TMEM117: variants seen among roughly 807,000 people sequenced by gnomAD.
TMEM117 encodes the protein transmembrane protein 117.
In TMEM117, 27 loss-of-function variants were observed where a neutral mutation model predicts 52.4. That is an observed-to-expected ratio of 0.51 (90% CI 0.38 to 0.71). The LOEUF is 0.71. Among genes scored for constraint, TMEM117 ranks in the 30% least tolerant of loss-of-function variants. TMEM117 has a pLI of 0.00. For missense variants in TMEM117, 556 were observed against 630.5 expected, an observed-to-expected ratio of 0.88 and a Z score of 1.26; for synonymous variants, 215 against 206.3, an observed-to-expected ratio of 1.04 and a Z score of -0.36.
At chr12:44,362,287 C>T (rs1377387884) in intron 6 of TMEM117, among the ~76,000 whole-genome samples, 5 of 152,082 alleles carry the variant, frequency 3.3e-5, no homozygotes, top group African/African-American at 4.8e-5. Flanking sequence ...GGTACCCTTT[C>T]CCTGCAGAGG....
At chr12:44,032,119 T>G (rs774794285) in intron 3 of TMEM117, among the ~76,000 whole-genome samples, 1 of 152,190 alleles carries the variant, frequency 6.6e-6, no homozygotes, top group Non-Finnish European at 1.5e-5. Context: ...GTGCTCAGCT[T>G]TAAAAAAGTC....
At chr12:43,797,011 C>T in the TMEM117 span, 4 of 1,611,384 alleles carry the variant, frequency 2.5e-6, no homozygotes, top group Non-Finnish European at 3.4e-6. Context: ...TGTCTTTCTA[C>T]AATTTCTAGC....
chr12:44,207,496 C>T (rs1283208481), intron 4 of TMEM117, among the ~76,000 whole-genome samples: 1 of 152,094 alleles, frequency 6.6e-6, no homozygotes. Flanking sequence ...GACCTCCTTC[C>T]TCTGATTTTT....
At chr12:43,953,073 C>A (rs750331951) in intron 3 of TMEM117, among the ~76,000 whole-genome samples, 1 of 152,068 alleles carries the variant, frequency 6.6e-6, no homozygotes, top group Non-Finnish European at 1.5e-5. Flanking sequence ...GAAATAAAAT[C>A]TTTTTCAGAC....
At chr12:44,259,209 G>A (rs1456367208) in intron 5 of TMEM117, among the ~76,000 whole-genome samples, 2 of 152,054 alleles carry the variant, frequency 1.3e-5, no homozygotes, top group Non-Finnish European at 2.9e-5. Context: ...TATACTAAAT[G>A]TTCCAGCTAT....
the TMEM117 span, among the ~76,000 whole-genome samples, chr12:43,805,081 T>C: frequency 6.6e-6 from 1 of 152,248 alleles, no homozygotes; most frequent in Non-Finnish European, 1.5e-5. Flanking sequence ...GTTATATTTT[T>C]CTAACTTGCA....
intron 3 of TMEM117, among the ~76,000 whole-genome samples, chr12:43,945,016 C>A (rs1411831183): frequency 6.6e-6 from 1 of 151,900 alleles, no homozygotes; most frequent in Non-Finnish European, 1.5e-5. Flanking sequence ...GAGGCTGAGG[C>A]AGGAGAATTG....
chr12:44,270,247 T>A (rs183265497), intron 5 of TMEM117, among the ~76,000 whole-genome samples: 77 of 152,250 alleles, frequency 5.1e-4, no homozygotes, highest in African/African-American at 1.8e-3. Flanking sequence ...AGTATAATGC[T>A]CCTTACACAG....
intron 3 of TMEM117, among the ~76,000 whole-genome samples, chr12:44,092,498 T>C (rs1947690448): frequency 6.6e-6 from 1 of 152,120 alleles, no homozygotes; most frequent in African/African-American, 2.4e-5. Context: ...AATGCTAGCT[T>C]GTGTAGAAGA....
At chr12:44,276,102 G>A (rs1037940906) in intron 5 of TMEM117, among the ~76,000 whole-genome samples, 1 of 151,946 alleles carries the variant, frequency 6.6e-6, no homozygotes, top group Non-Finnish European at 1.5e-5. Context: ...ATTAAAAATA[G>A]AACTGTCATG....
chr12:43,856,329 ACTT>A (rs1385018538), intron 2 of TMEM117, among the ~76,000 whole-genome samples: 1 of 152,176 alleles, frequency 6.6e-6, no homozygotes, highest in East Asian at 1.9e-4. Flanking sequence ...CTGGAATCAT[ACTT>A]CTTCTAGGTG....
At chr12:44,144,564 T>C (rs890062666) in intron 4 of TMEM117, among the ~76,000 whole-genome samples, 4 of 152,170 alleles carry the variant, frequency 2.6e-5, no homozygotes, top group African/African-American at 9.7e-5. Context: ...GTTCCTGCCA[T>C]TTCTATTGAT....
At chr12:44,200,666 T>A (rs536679865) in intron 4 of TMEM117, among the ~76,000 whole-genome samples, 2 of 152,280 alleles carry the variant, frequency 1.3e-5, no homozygotes, top group African/African-American at 4.8e-5. Context: ...AAGTGACATA[T>A]CTAACTCTGA....
At chr12:44,103,410 A>G (rs1363005728) in intron 3 of TMEM117, among the ~76,000 whole-genome samples, 1 of 152,006 alleles carries the variant, frequency 6.6e-6, no homozygotes, top group Non-Finnish European at 1.5e-5. Flanking sequence ...TTTGAGGTAT[A>G]TATTTGTAGG....
At chr12:44,358,715 A>G (rs1951683527) in intron 6 of TMEM117, among the ~76,000 whole-genome samples, 1 of 152,170 alleles carries the variant, frequency 6.6e-6, no homozygotes, top group Non-Finnish European at 1.5e-5. Context: ...AAGATGGTAC[A>G]TGAAAACTGA....
intron 5 of TMEM117, among the ~76,000 whole-genome samples, chr12:44,265,744 C>T (rs1001783882): frequency 2.3e-4 from 35 of 152,220 alleles, no homozygotes; most frequent in African/African-American, 8.4e-4. Context: ...ACCTATTATG[C>T]AGTTGCTTCC....
chr12:44,105,362 C>A (rs542563418), intron 3 of TMEM117, among the ~76,000 whole-genome samples: 1 of 152,092 alleles, frequency 6.6e-6, no homozygotes, highest in East Asian at 1.9e-4. Context: ...TTTATTCTTG[C>A]ATGTTGTCTA....
chr12:43,987,956 T>G (rs1223928880), intron 3 of TMEM117, among the ~76,000 whole-genome samples: 1 of 152,134 alleles, frequency 6.6e-6, no homozygotes, highest in African/African-American at 2.4e-5. Context: ...CTATATAATA[T>G]CTGCAGTTAA....
At chr12:43,977,426 T>C (rs1945690140) in intron 3 of TMEM117, among the ~76,000 whole-genome samples, 1 of 152,168 alleles carries the variant, frequency 6.6e-6, no homozygotes. Context: ...TGAGGGGGTA[T>C]GAACACAAGC....
Sources: gnomAD v4.1 joint callset for allele counts (sites outside exome capture counted in the v4.1 genomes callset) on GRCh38, gnomAD v4.1.1 for gene constraint, MANE v1.5 for transcripts, NCBI Gene and HGNC (gene_info 2026-07-23, HGNC 2026-07-21) for gene names.